The following SDK1 variants were observed in gnomAD, a reference collection of about 807,000 sequenced individuals.
SDK1 encodes sidekick cell adhesion molecule 1.
A neutral mutation model predicts 245.5 loss-of-function variants in SDK1; 157 were observed. That is an observed-to-expected ratio of 0.64 (90% confidence interval 0.56 to 0.73). SDK1 has a LOEUF of 0.73. Ranked by LOEUF, SDK1 falls within the 30% of genes least tolerant of loss-of-function variation. SDK1 has a pLI of 0.00. For synonymous variants in SDK1, 1,647 were observed against 1,278.5 expected (o/e 1.29, Z -6.15); for missense variants, 3,583 against 3,002.3 (o/e 1.19, Z -4.52).
At chr7:4,256,936 T>C (rs1432132024) in intron 44 of SDK1, among the ~76,000 whole-genome samples, 1 of 152,246 alleles carries the variant, frequency 6.6e-6, no homozygotes, top group Non-Finnish European at 1.5e-5. Context: ...TCCCAGGTGC[T>C]CAGGAGCCTT....
intron 1 of SDK1, among the ~76,000 whole-genome samples, chr7:3,407,604 C>T (rs1425716046): frequency 1.3e-5 from 2 of 152,082 alleles, no homozygotes; most frequent in African/African-American, 2.4e-5. Flanking sequence ...AGAAATTAGA[C>T]GTATTTTTAG....
At chr7:4,088,636 G>T (rs113919437) in intron 22 of SDK1, among the ~76,000 whole-genome samples, 13 of 151,528 alleles carry the variant, frequency 8.6e-5, no homozygotes, top group Non-Finnish European at 1.2e-4. Context: ...TGGTTTTTCT[G>T]ATTTCATCTG....
chr7:3,664,424 T>A (rs970252674), intron 4 of SDK1, among the ~76,000 whole-genome samples: 1 of 152,150 alleles, frequency 6.6e-6, no homozygotes, highest in African/African-American at 2.4e-5. Context: ...TATTACAGCC[T>A]TTTTCATTGT....
chr7:3,760,390 C>G (rs1178726350), intron 4 of SDK1, among the ~76,000 whole-genome samples: 5 of 152,150 alleles, frequency 3.3e-5, no homozygotes, highest in Non-Finnish European at 5.9e-5. Context: ...ATACAGTTTG[C>G]TCATAGCTCT....
chr7:3,548,239 C>G (rs145069728), intron 1 of SDK1, among the ~76,000 whole-genome samples: 378 of 152,196 alleles, frequency 2.5e-3, no homozygotes, highest in African/African-American at 8.9e-3. Flanking sequence ...GTGGTTGATT[C>G]AATAAATATC....
At chr7:3,331,048 G>T (rs1040034009) in intron 1 of SDK1, among the ~76,000 whole-genome samples, 1 of 152,022 alleles carries the variant, frequency 6.6e-6, no homozygotes, top group African/African-American at 2.4e-5. Context: ...GGTGGATCAC[G>T]AGGTCAGGAG....
intron 1 of SDK1, among the ~76,000 whole-genome samples, chr7:3,464,332 T>C (rs943998608): frequency 2.0e-5 from 3 of 152,078 alleles, no homozygotes; most frequent in Non-Finnish European, 2.9e-5. Context: ...TAGGCCAGCC[T>C]GAGTAACATA....
At chr7:4,015,168 C>A (rs915416067) in intron 16 of SDK1, among the ~76,000 whole-genome samples, 5 of 152,182 alleles carry the variant, frequency 3.3e-5, no homozygotes, top group African/African-American at 4.8e-5. Context: ...TACTGTCGTA[C>A]CCACCTTAAA....
intron 1 of SDK1, among the ~76,000 whole-genome samples, chr7:3,427,176 G>C (rs6462069): frequency 6.6e-6 from 1 of 151,966 alleles, no homozygotes; most frequent in African/African-American, 2.4e-5. Flanking sequence ...CTCTGTCAGT[G>C]ATAAATATGT....
intron 41 of SDK1, among the ~76,000 whole-genome samples, chr7:4,236,906 C>T (rs1217572091): frequency 6.6e-6 from 1 of 152,110 alleles, no homozygotes; most frequent in Non-Finnish European, 1.5e-5. Flanking sequence ...TTTTTGTTTG[C>T]TGCCTTGCTT....
chr7:4,086,523 C>G (rs1447726577), intron 22 of SDK1, among the ~76,000 whole-genome samples: 1 of 152,190 alleles, frequency 6.6e-6, no homozygotes, highest in Admixed American at 6.5e-5. Context: ...TCATTCCCAG[C>G]TCCTGGAGGT....
At chr7:3,942,304 A>C (rs575268618) in intron 5 of SDK1, among the ~76,000 whole-genome samples, 1 of 152,082 alleles carries the variant, frequency 6.6e-6, no homozygotes, top group Non-Finnish European at 1.5e-5. Flanking sequence ...GTCCCTCCTT[A>C]TTTCACATGG....
chr7:3,755,961 C>G (rs1779915926), intron 4 of SDK1, among the ~76,000 whole-genome samples: 1 of 151,788 alleles, frequency 6.6e-6, no homozygotes, highest in Admixed American at 6.6e-5. Flanking sequence ...TGACTCCTTT[C>G]ACATGGCATA....
Position 4,091,525 on chromosome 7 carries a change from T to A in SDK1, c.3324+11941T>A, listed in dbSNP as rs768549707. 1.9e-3 allele frequency among the ~76,000 whole-genome samples: 296 copies of A among 151,864 alleles called. 14 individuals are homozygous for A. The highest frequency in any genetic ancestry group is 1.4e-3 in the Non-Finnish European group (98 of 67,954). On this transcript the variant is annotated intron_variant, in intron 22 of 44. Transcript: ENST00000404826. ...ACCTGGCTAATTTTTGTATTTTTGG[T>A]AGAGATGGGGTTTTACCATGTTGGC...
Position 4,178,603 on chromosome 7 carries a change from C to T in SDK1, c.5098+17C>T, listed in dbSNP as rs760759545. 7.6e-6 allele frequency: 12 copies of T among 1,577,620 alleles called. 1 individual carries two copies. In the South Asian group the frequency reaches 1.2e-4, roughly 16 times the overall value. ...GCGAGGCTGGTAAGCTCCGTGCACC[C>T]CCAACCCCACTGCCAGAGAGGGCCA... On this transcript the variant is annotated intron_variant, in intron 35 of 44. Transcript: ENST00000404826.
At chr7:3,476,478 A>G (rs949804631) in intron 1 of SDK1, among the ~76,000 whole-genome samples, 3 of 152,064 alleles carry the variant, frequency 2.0e-5, no homozygotes, top group Non-Finnish European at 4.4e-5. Flanking sequence ...CTATTTCTAC[A>G]TTTCTGCCGA....
At chr7:3,464,726 A>G (rs1384501169) in intron 1 of SDK1, among the ~76,000 whole-genome samples, 1 of 151,852 alleles carries the variant, frequency 6.6e-6, no homozygotes, top group Non-Finnish European at 1.5e-5. Flanking sequence ...ACACACACAC[A>G]CATATAAAGT....
rs532627465 is a variant in SDK1 at position 3,687,311 on chromosome 7, G to C, written c.713+45206G>C. The stretch of plus-strand genomic sequence containing the variant: ...ACCCAGCTAATTTTTGTATTTTTAG[G>C]AGAGATGGGGTTTCACTATGTTGGC... On this transcript the variant is annotated intron_variant, in intron 4 of 44. Transcript: ENST00000404826. Among the ~76,000 whole-genome samples the C allele has an allele frequency of 1.2e-3, 181 of 151,930 alleles. 1 individual carries two copies. Among genetic ancestry groups the C allele is most frequent in the African/African-American group, 4.2e-3 (176 of 41,428 alleles).
At position 3,722,750 on chromosome 7, in the gene SDK1, C is replaced by T. The variant is rs532949027; in HGVS notation, c.713+80645C>T. Among the ~76,000 whole-genome samples, 11 of 152,302 alleles carry T rather than the reference C, an allele frequency of 7.2e-5. No individual in the cohort carries two copies. The South Asian group carries it at 8.3e-4, about 11-fold the overall frequency. ...TGCAGAATCCTCAGATCCGGGGACT[C>T]GCGCGGGTGGCTCAGCACCGCCCTC... On this transcript the variant is annotated intron_variant, in intron 4 of 44. Transcript: ENST00000404826.
Sources: allele counts gnomAD v4.1 joint callset (sites outside exome capture counted in the v4.1 genomes callset), GRCh38; gene constraint gnomAD v4.1.1; transcripts MANE v1.5; gene names NCBI Gene and HGNC (gene_info 2026-07-23, HGNC 2026-07-21).